CHRDL2: variants seen among roughly 807,000 people sequenced by gnomAD.
CHRDL2 encodes the protein chordin like 2, also known as chordin-like protein 2.
CHRDL2 carries 41 observed loss-of-function variants against 54.3 expected under a neutral mutation model. The observed-to-expected ratio is 0.76, with a 90% CI of 0.59 to 0.98. The LOEUF is 0.98. Among genes scored for constraint, CHRDL2 ranks in the 50% least tolerant of loss-of-function variants. CHRDL2 has a pLI of 0.00. For missense variants in CHRDL2, 518 were observed against 562.4 expected, an observed-to-expected ratio of 0.92 and a Z score of 0.80; for synonymous variants, 220 against 224.3, an observed-to-expected ratio of 0.98 and a Z score of 0.17.
At chr11:74,708,266 G>T in intron 5 of CHRDL2, 36 bp downstream of exon 5, 1 of 1,431,830 alleles carries the variant, frequency 7.0e-7, no homozygotes. Context: ...GAGTGGAGGG[G>T]TGGGTGAGTG....
At chr11:74,716,670 TTC>T (rs1314166180) in intron 2 of CHRDL2, among the ~76,000 whole-genome samples, 4 of 151,984 alleles carry the variant, frequency 2.6e-5, no homozygotes, top group Admixed American at 1.3e-4. Context: ...TTTTTTTCTT[TTC>T]TCTCTTTTTT....
At chr11:74,707,495 A>C (rs2034047770) in intron 5 of CHRDL2, among the ~76,000 whole-genome samples, 1 of 152,172 alleles carries the variant, frequency 6.6e-6, no homozygotes, top group Admixed American at 6.5e-5. Context: ...TCCCTGCTTT[A>C]TAAGAGGTTC....
In CHRDL2 at chr11:74,722,533, T is replaced by C. The variant is rs148582981; in HGVS notation, c.83-3701A>G. ...TGCCTAGTGCCTGACATATATTATATGCTCAACTAAATAGGTTTAAAAAAA... is the reference window on the plus strand; with the variant it reads ...TGCCTAGTGCCTGACATATATTATACGCTCAACTAAATAGGTTTAAAAAAA... On this transcript the variant is annotated intron_variant, in intron 1 of 10. Coordinates refer to ENST00000376332, the MANE Select transcript of CHRDL2 (RefSeq NM_001278473.3). Among the ~76,000 whole-genome samples the C allele has an allele frequency of 2.6e-3, 387 of 150,586 alleles. 3 individuals carry two copies. The highest frequency in any genetic ancestry group is 8.8e-3 in the African/African-American group (356 of 40,242).
At chr11:74,719,775 C>T (rs1005630679) in intron 1 of CHRDL2, among the ~76,000 whole-genome samples, 20 of 152,182 alleles carry the variant, frequency 1.3e-4, no homozygotes, top group African/African-American at 4.8e-4. Flanking sequence ...GGCTATCTCT[C>T]CTACAATCCT....
chr11:74,701,302 A>C, intron 9 of CHRDL2: 2 of 336,104 alleles, frequency 6.0e-6, no homozygotes, highest in Admixed American at 4.8e-5. Flanking sequence ...CCACACAGCT[A>C]AGATATAGCA....
At chr11:74,724,540 T>C (rs1342442856) in intron 1 of CHRDL2, among the ~76,000 whole-genome samples, 1 of 152,234 alleles carries the variant, frequency 6.6e-6, no homozygotes, top group Admixed American at 6.5e-5. Flanking sequence ...CCTCACCTCC[T>C]CTTGCTAAAT....
At chr11:74,704,701 C>A in intron 6 of CHRDL2, 47 bp from the exon 7 acceptor site, 2 of 1,575,214 alleles carry the variant, frequency 1.3e-6, no homozygotes, top group Non-Finnish European at 1.7e-6. Context: ...GCATAGCAGG[C>A]CCCAGCTGGA....
At position 74,703,328 on chromosome 11, in the gene CHRDL2, C is replaced by G; in HGVS notation, c.923G>C (p.Gly308Ala). The G allele has an allele frequency of 6.2e-7, 1 of 1,609,478 alleles. No homozygotes were observed. Among genetic ancestry groups the G allele is most frequent in the Non-Finnish European group, 8.5e-7 (1 of 1,177,478 alleles). The change falls in exon 8 of 11, where the codon GGG (glycine) becomes GCG (alanine). Residue 308 changes from glycine to alanine, a missense_variant. By Grantham distance (60) the Gly-to-Ala change is moderately conservative (BLOSUM62 0). Coordinates refer to ENST00000376332, the MANE Select transcript of CHRDL2 (RefSeq NM_001278473.3). ...YPCRHPEKVA[G>A]KCCKICPEDK... ...ACCTGGGCAAATCTTGCAGCACTTC[C>G]CAGCCACTTTCTCGGGGTGACGGCA...
intron 1 of CHRDL2, among the ~76,000 whole-genome samples, chr11:74,725,254 G>A (rs138574459): frequency 0.013 from 2,001 of 152,142 alleles, 39 homozygotes; most frequent in African/African-American, 0.044. Context: ...GCCTCCCAAA[G>A]GGCTGGGATT....
chr11:74,722,290 C>T (rs985943268), intron 1 of CHRDL2, among the ~76,000 whole-genome samples: 21 of 152,182 alleles, frequency 1.4e-4, no homozygotes, highest in African/African-American at 5.1e-4. Context: ...CCATGCATCC[C>T]TCCCCATCTC....
At chr11:74,700,314 C>T (rs2033757617) in intron 9 of CHRDL2, among the ~76,000 whole-genome samples, 1 of 152,250 alleles carries the variant, frequency 6.6e-6, no homozygotes, top group South Asian at 2.1e-4. Flanking sequence ...GTTTGAGGCT[C>T]TCACTGTCAT....
At chr11:74,702,548 A>G (rs560015890) in intron 9 of CHRDL2, among the ~76,000 whole-genome samples, 21 of 152,324 alleles carry the variant, frequency 1.4e-4, no homozygotes, top group African/African-American at 4.8e-4. Context: ...AAGGTGCAAC[A>G]GCGCCTTCCC....
intron 5 of CHRDL2, among the ~76,000 whole-genome samples, chr11:74,707,766 C>A (rs1780720387): frequency 6.6e-6 from 1 of 152,110 alleles, no homozygotes; most frequent in Non-Finnish European, 1.5e-5. Context: ...CTCAAGCCCG[C>A]AGCTCCTGTC....
chr11:74,722,346 G>A (rs1249838858), intron 1 of CHRDL2, among the ~76,000 whole-genome samples: 1 of 152,108 alleles, frequency 6.6e-6, no homozygotes, highest in Admixed American at 6.6e-5. Flanking sequence ...GAGTCAGATC[G>A]GCTGGGGTTC....
chr11:74,701,527 A>T, intron 9 of CHRDL2: 3 of 707,840 alleles, frequency 4.2e-6, no homozygotes, highest in Non-Finnish European at 7.9e-6. Flanking sequence ...GGGGCAGAGT[A>T]GAGCAGGGAA....
At position 74,709,473 on chromosome 11, in the gene CHRDL2, G is replaced by A. The variant is rs116341758; in HGVS notation, c.433-1078C>T. Among the ~76,000 whole-genome samples the A allele has an allele frequency of 5.3e-3, 801 of 152,258 alleles. 5 individuals are homozygous for A. Among genetic ancestry groups the A allele is most frequent in the African/African-American group, 0.016 (681 of 41,526 alleles). On this transcript the variant is annotated intron_variant, in intron 4 of 10. Transcript: ENST00000376332. ...TGATATCCTTCTCCTAGGGTCATTC[G>A]GGTACTGTCTATAAACCAGGCATTT... is the stretch of plus-strand genomic sequence containing the variant.
intron 4 of CHRDL2, among the ~76,000 whole-genome samples, chr11:74,710,620 C>T (rs1024865906): frequency 4.2e-5 from 6 of 143,768 alleles, no homozygotes; most frequent in Non-Finnish European, 7.4e-5. Flanking sequence ...AGGAATGCAG[C>T]GTCTACTGGG....
intron 1 of CHRDL2, among the ~76,000 whole-genome samples, chr11:74,730,275 T>A (rs889322399): frequency 6.6e-6 from 1 of 152,136 alleles, no homozygotes; most frequent in African/African-American, 2.4e-5. Context: ...TGGCTTTGGA[T>A]GGCTTACCCG....
At chr11:74,720,826 C>T (rs963117803) in intron 1 of CHRDL2, among the ~76,000 whole-genome samples, 6 of 152,202 alleles carry the variant, frequency 3.9e-5, no homozygotes, top group Admixed American at 6.5e-5. Context: ...AACAGGAGCT[C>T]ATGGGCCATT....
Sources: allele counts gnomAD v4.1 joint callset (sites outside exome capture counted in the v4.1 genomes callset), GRCh38; gene constraint gnomAD v4.1.1; transcripts MANE v1.5; gene names NCBI Gene and HGNC (gene_info 2026-07-23, HGNC 2026-07-21).